The following TOX variants were observed in gnomAD, a reference collection of about 807,000 sequenced individuals.
The protein encoded by TOX is thymocyte selection-associated high mobility group box protein TOX.
In TOX, 11 loss-of-function variants were observed where a neutral mutation model predicts 53.7. The observed-to-expected ratio is 0.20, with a 90% CI of 0.13 to 0.34. The LOEUF is 0.34. Among genes scored for constraint, TOX ranks in the 10% least tolerant of loss-of-function variants. The pLI is 1.00. For missense variants in TOX, 570 were observed against 664.6 expected (o/e 0.86, Z 1.56); for synonymous variants, 225 against 245.3 (o/e 0.92, Z 0.77).
intron 1 of TOX, among the ~76,000 whole-genome samples, chr8:59,096,729 G>A (rs908035028): frequency 1.3e-5 from 2 of 152,130 alleles, no homozygotes; most frequent in Admixed American, 1.3e-4. Flanking sequence ...CCAGATTTGT[G>A]AACACCTCCA....
intron 3 of TOX, among the ~76,000 whole-genome samples, chr8:58,899,015 C>A (rs910291521): frequency 5.9e-5 from 9 of 152,108 alleles, no homozygotes; most frequent in Admixed American, 1.3e-4. Flanking sequence ...AGGGTGCAGC[C>A]CTGCCCTGGT....
chr8:59,081,950 T>C (rs979509290), intron 1 of TOX, among the ~76,000 whole-genome samples: 3 of 152,188 alleles, frequency 2.0e-5, no homozygotes, highest in Non-Finnish European at 4.4e-5. Context: ...TTAAAATGGA[T>C]CGTTAAGTAC....
At chr8:59,006,958 A>G (rs1489486721) in intron 1 of TOX, among the ~76,000 whole-genome samples, 1 of 152,226 alleles carries the variant, frequency 6.6e-6, no homozygotes, top group Admixed American at 6.5e-5. Flanking sequence ...CTTAACTTCC[A>G]TAAAGAATAA....
At chr8:59,109,388 T>C (rs1053338653) in intron 1 of TOX, among the ~76,000 whole-genome samples, 5 of 152,002 alleles carry the variant, frequency 3.3e-5, no homozygotes, top group Admixed American at 3.3e-4. Context: ...TAGCTTGGAG[T>C]GGAATTAACT....
intron 1 of TOX, among the ~76,000 whole-genome samples, chr8:59,049,151 A>C (rs1243744772): frequency 6.6e-6 from 1 of 152,152 alleles, no homozygotes. Flanking sequence ...ATGCACGCTT[A>C]AAACATCTGA....
chr8:59,074,680 T>C (rs1158678995), intron 1 of TOX, among the ~76,000 whole-genome samples: 1 of 152,132 alleles, frequency 6.6e-6, no homozygotes, highest in Non-Finnish European at 1.5e-5. Flanking sequence ...TGAATTGGAA[T>C]CTCAAGATAA....
rs373033791 is a variant in TOX at position 58,939,368 on chromosome 8, G to A, written c.345C>T (p.Leu115=). The change falls in exon 3 of 9, where the codon CTC becomes CTT. Residue 115 remains leucine, a synonymous_variant. Coordinates refer to ENST00000361421, the MANE Select transcript of TOX (RefSeq NM_014729.3). The stretch of plus-strand genomic sequence containing the variant: ...GCATATTGGAGACTGTGATTTCAGG[G>A]AGGTCCATGTTTTGTGGATGAAATG... ...LLPFHPQNMD[L]PEITVSNMLG... 28 of 1,614,114 alleles carry A rather than the reference G, an allele frequency of 1.7e-5. No individual in the cohort carries two copies. The African/African-American group carries it at 2.4e-4, about 14-fold the overall frequency.
At chr8:58,937,862 A>T (rs989094437) in intron 3 of TOX, among the ~76,000 whole-genome samples, 17 of 152,120 alleles carry the variant, frequency 1.1e-4, no homozygotes, top group Non-Finnish European at 2.9e-5. Context: ...TGGCTCATGA[A>T]TTGGGTCTGA....
At chr8:58,948,633 CA>C (rs1242969582) in intron 2 of TOX, among the ~76,000 whole-genome samples, 1 of 152,124 alleles carries the variant, frequency 6.6e-6, no homozygotes, top group Non-Finnish European at 1.5e-5. Flanking sequence ...GATCATCTTC[CA>C]TATTCAATGT....
rs1338381559 is a variant in TOX, at chr8:58,806,956, T to C, written c.*791A>G. On this transcript the variant is annotated 3_prime_UTR_variant, in exon 9 of 9. Transcript: ENST00000361421. ...ATCTAATAAAATACCAGGTAAGCAT[T>C]TGGCAGTTTTATACATAAAAGGACT... 1.3e-5 allele frequency: 2 copies of C among 152,642 alleles called. No homozygotes were observed. Among genetic ancestry groups the C allele is most frequent in the African/African-American group, 2.4e-5 (1 of 41,446 alleles). 9.5% of individuals were successfully genotyped at this position (152,642 alleles called of 1,614,324 possible).
intron 5 of TOX, among the ~76,000 whole-genome samples, chr8:58,832,139 A>ATG (rs1314823799): frequency 6.9e-6 from 1 of 144,890 alleles, no homozygotes; most frequent in African/African-American, 2.5e-5. Context: ...TAATATATAT[A>ATG]ATATATGTAA....
At chr8:59,069,142 C>T (rs1804147425) in intron 1 of TOX, among the ~76,000 whole-genome samples, 1 of 152,100 alleles carries the variant, frequency 6.6e-6, no homozygotes, top group African/African-American at 2.4e-5. Context: ...TCAAGTGATC[C>T]AGTAAGAAAT....
intron 4 of TOX, among the ~76,000 whole-genome samples, chr8:58,847,982 G>A (rs1810743930): frequency 6.6e-6 from 1 of 151,946 alleles, no homozygotes; most frequent in Non-Finnish European, 1.5e-5. Context: ...AAAGATGTCA[G>A]GTGAAAGAAA....
rs148236633 is a variant in TOX, at chr8:59,059,229, T to C, written c.102+59657A>G. Among the ~76,000 whole-genome samples the C allele has an allele frequency of 9.7e-3, 1,474 of 152,266 alleles. 16 individuals are homozygous for C. Among genetic ancestry groups the C allele is most frequent in the African/African-American group, 0.034 (1,397 of 41,546 alleles). On this transcript the variant is annotated intron_variant, in intron 1 of 8. Transcript: ENST00000361421. ...AAAGAATTTCAAAAAACATGATCCT[T>C]TCTCATTCCCCTTCCTTCACATCAC...
chr8:58,946,428 G>T (rs1490998601), intron 2 of TOX, among the ~76,000 whole-genome samples: 1 of 152,102 alleles, frequency 6.6e-6, no homozygotes, highest in East Asian at 1.9e-4. Flanking sequence ...TTTTGTCTCT[G>T]CATGAACAAG....
At chr8:58,840,859 C>T (rs1029318638) in intron 4 of TOX, among the ~76,000 whole-genome samples, 4 of 152,146 alleles carry the variant, frequency 2.6e-5, no homozygotes, top group African/African-American at 9.7e-5. Flanking sequence ...TTGAGTCTCC[C>T]CCTTACCTGA....
rs60603363 is a variant in TOX at position 59,060,323 on chromosome 8, T to C, written c.102+58563A>G. 7.8e-3 allele frequency among the ~76,000 whole-genome samples: 1,188 copies of C among 152,296 alleles called. 25 individuals are homozygous for C. The highest frequency in any genetic ancestry group is 0.026 in the African/African-American group (1,075 of 41,558). ...CCCTTCTGGCTCCCAATCCCAATAG[T>C]GTGCTGGCTATTAATATTTTATGGC... On this transcript the variant is annotated intron_variant, in intron 1 of 8. Coordinates refer to ENST00000361421, the MANE Select transcript of TOX (RefSeq NM_014729.3).
chr8:58,978,589 TAC>T (rs974937581), intron 1 of TOX, among the ~76,000 whole-genome samples: 1 of 152,232 alleles, frequency 6.6e-6, no homozygotes, highest in Non-Finnish European at 1.5e-5. Flanking sequence ...TTAAAAAATC[TAC>T]ACTTTAAGAG....
intron 3 of TOX, among the ~76,000 whole-genome samples, chr8:58,923,467 C>A (rs1450060905): frequency 2.0e-5 from 3 of 152,182 alleles, no homozygotes; most frequent in African/African-American, 7.2e-5. Flanking sequence ...GTTCCTTTCA[C>A]ATAATACTCA....
Sources: gnomAD v4.1 joint callset for allele counts (sites outside exome capture counted in the v4.1 genomes callset) on GRCh38, gnomAD v4.1.1 for gene constraint, MANE v1.5 for transcripts, NCBI Gene and HGNC (gene_info 2026-07-23, HGNC 2026-07-21) for gene names.